Variants in TUSC3 observed in about 807,000 individuals in gnomAD.
TUSC3 encodes tumor suppressor candidate 3.
Under a neutral mutation model 44.8 loss-of-function variants are expected in TUSC3, and 45 were observed. The observed-to-expected ratio is 1.00, with a 90% CI of 0.79 to 1.29. The LOEUF (loss-of-function observed/expected upper bound fraction) is 1.29, where lower values mean the gene tolerates loss of function less well. TUSC3 is among the 50% of genes most tolerant of loss of function. The probability of loss-of-function intolerance (pLI) is 0.00; values close to 1 mark genes in which losing one functional copy is unlikely to be tolerated. For synonymous variants in TUSC3, 212 were observed against 152.9 expected (o/e 1.39, Z -2.85); for missense variants, 519 against 437.9 (o/e 1.19, Z -1.65).
chr8:15,639,819 ACAG>A, intron 2 of TUSC3, among the ~76,000 whole-genome samples: 2 of 135,142 alleles, frequency 1.5e-5, no homozygotes, highest in Non-Finnish European at 3.1e-5. Flanking sequence ...ATGACTTAGT[ACAG>A]TCAGTCAATA....
intron 2 of TUSC3, among the ~76,000 whole-genome samples, chr8:15,502,229 C>T (rs1800976917): frequency 1.3e-5 from 2 of 152,184 alleles, no homozygotes; most frequent in African/African-American, 4.8e-5. Context: ...CTACAAACTG[C>T]TTATTTCTTC....
intron 2 of TUSC3, among the ~76,000 whole-genome samples, chr8:15,514,347 CATT>C (rs1335342727): frequency 6.6e-6 from 1 of 152,102 alleles, no homozygotes; most frequent in Admixed American, 6.6e-5. Flanking sequence ...GTTTTCATAA[CATT>C]GTGCAAAGAA....
intron 6 of TUSC3, among the ~76,000 whole-genome samples, chr8:15,675,129 A>G (rs1808126019): frequency 6.6e-6 from 1 of 152,080 alleles, no homozygotes; most frequent in Non-Finnish European, 1.5e-5. Flanking sequence ...GTAATAGATA[A>G]GCTTCTGAAA....
At chr8:15,455,964 C>T (rs116372401) in intron 1 of TUSC3, among the ~76,000 whole-genome samples, 2,566 of 152,258 alleles carry the variant, frequency 0.017, 75 homozygotes, top group African/African-American at 0.059. Context: ...TTCTGAAAGA[C>T]CTTTGCAGAT....
At chr8:15,790,309 C>T in the TUSC3 span, among the ~76,000 whole-genome samples, 1 of 151,090 alleles carries the variant, frequency 6.6e-6, no homozygotes, top group Non-Finnish European at 1.5e-5. Context: ...CCTCAGCCTC[C>T]CAAGTAGCTG....
chr8:15,753,108 TTA>T (rs1585305215), intron 9 of TUSC3, among the ~76,000 whole-genome samples: 1 of 152,030 alleles, frequency 6.6e-6, no homozygotes, highest in African/African-American at 2.4e-5. Context: ...GATTCCCTTT[TTA>T]TGTTTTTTCT....
chr8:15,818,846 T>G, the TUSC3 span, among the ~76,000 whole-genome samples: 1 of 152,208 alleles, frequency 6.6e-6, no homozygotes, highest in Admixed American at 6.5e-5. Flanking sequence ...TTTGTTTCGT[T>G]GCTAATTTAA....
the TUSC3 span, among the ~76,000 whole-genome samples, chr8:15,796,216 G>C: frequency 6.6e-6 from 1 of 152,132 alleles, no homozygotes. Context: ...TAACAATCTG[G>C]GTGGTGCAAG....
At chr8:15,698,583 A>G (rs1029747366) in intron 6 of TUSC3, among the ~76,000 whole-genome samples, 1 of 152,200 alleles carries the variant, frequency 6.6e-6, no homozygotes, top group Non-Finnish European at 1.5e-5. Context: ...TAATCTCTAC[A>G]GCACCTAAAT....
chr8:15,785,381 G>C, the TUSC3 span, among the ~76,000 whole-genome samples: 1 of 151,704 alleles, frequency 6.6e-6, no homozygotes, highest in Non-Finnish European at 1.5e-5. Flanking sequence ...TTAGGTCTTA[G>C]CCTAGATATC....
At chr8:15,731,108 C>CT (rs1810704275) in intron 7 of TUSC3, among the ~76,000 whole-genome samples, 1 of 151,990 alleles carries the variant, frequency 6.6e-6, no homozygotes, top group South Asian at 2.1e-4. Context: ...TACTGCTCCC[C>CT]TTAAATATAT....
intron 6 of TUSC3, among the ~76,000 whole-genome samples, chr8:15,690,119 T>C (rs925345906): frequency 6.6e-6 from 1 of 152,138 alleles, no homozygotes; most frequent in Non-Finnish European, 1.5e-5. Flanking sequence ...GCAGAACTAA[T>C]TTACACTCCT....
chr8:15,651,342 A>G (rs1806894690), intron 3 of TUSC3, among the ~76,000 whole-genome samples: 1 of 152,220 alleles, frequency 6.6e-6, no homozygotes, highest in African/African-American at 2.4e-5. Context: ...AATGTGGCAG[A>G]TAGTATTTTA....
rs528754823 is a variant in TUSC3, at chr8:15,635,742, C to A, written c.308+12493C>A. Among the ~76,000 whole-genome samples, 20 of 152,198 alleles carry A rather than the reference C, an allele frequency of 1.3e-4. No homozygotes were observed. The South Asian group carries it at 4.2e-3, about 32-fold the overall frequency. ...GCTGCTGCCCTGCAAGGTAAACAGGCCAATGTTTGATAAGAGTCTCAAGTC... is the reference window on the plus strand; with the variant it reads ...GCTGCTGCCCTGCAAGGTAAACAGGACAATGTTTGATAAGAGTCTCAAGTC... On this transcript the variant is annotated intron_variant, in intron 2 of 10. Coordinates refer to ENST00000503731, the MANE Select transcript of TUSC3 (RefSeq NM_006765.4).
At chr8:15,808,477 T>C in the TUSC3 span, among the ~76,000 whole-genome samples, 1 of 152,086 alleles carries the variant, frequency 6.6e-6, no homozygotes, top group Non-Finnish European at 1.5e-5. Context: ...TTAGAAAAGT[T>C]CTCTCAATAT....
At position 15,520,046 on chromosome 8, in the gene TUSC3, C is replaced by G. The variant is rs557332830; in HGVS notation, n.189+36563C>G. On this transcript the variant is annotated intron_variant and non_coding_transcript_variant, in intron 2 of 5. Coordinates refer to the TUSC3 transcript ENST00000503191. ...TTGTCCTTGGAGCCCCCAGTGTGTACCTAATAAGATTCAGACTCTGAGATT... is the reference window on the plus strand; with the variant it reads ...TTGTCCTTGGAGCCCCCAGTGTGTAGCTAATAAGATTCAGACTCTGAGATT... Among the ~76,000 whole-genome samples, 82 of 152,250 alleles carry G rather than the reference C, an allele frequency of 5.4e-4. No individual in the cohort carries two copies. The Middle Eastern group carries it at 0.01, about 19-fold the overall frequency.
At chr8:15,794,259 GC>G in the TUSC3 span, among the ~76,000 whole-genome samples, 1 of 152,024 alleles carries the variant, frequency 6.6e-6, no homozygotes, top group Non-Finnish European at 1.5e-5. Context: ...TGAGGATCCA[GC>G]TTTTTTTGAG....
chr8:15,419,255 T>A (rs1048237587), intron 1 of TUSC3, among the ~76,000 whole-genome samples: 2 of 152,154 alleles, frequency 1.3e-5, no homozygotes, highest in African/African-American at 4.8e-5. Context: ...CTTTCACCAA[T>A]TGTCAAGTGT....
At chr8:15,705,715 G>C (rs1263073821) in intron 6 of TUSC3, among the ~76,000 whole-genome samples, 1 of 151,970 alleles carries the variant, frequency 6.6e-6, no homozygotes, top group Non-Finnish European at 1.5e-5. Context: ...AGTGGTCTTT[G>C]TGCCTCTCTC....
Sources: allele counts gnomAD v4.1 joint callset (sites outside exome capture counted in the v4.1 genomes callset), GRCh38; gene constraint gnomAD v4.1.1; transcripts MANE v1.5; gene names NCBI Gene and HGNC (gene_info 2026-07-23, HGNC 2026-07-21).